The following CCN4 variants were observed in gnomAD, a reference collection of about 807,000 sequenced individuals.
CCN4 encodes CCN family member 4.
A neutral mutation model predicts 36.7 loss-of-function variants in CCN4; 30 were observed. The observed-to-expected ratio is 0.82, with a 90% CI of 0.61 to 1.11. The LOEUF is 1.11. Ranked by LOEUF, CCN4 falls within the 50% of genes least tolerant of loss-of-function variation. CCN4 has a pLI of 0.00. For missense variants in CCN4, 505 were observed against 504.9 expected (o/e 1.00, Z 0.00); for synonymous variants, 191 against 195.4 (o/e 0.98, Z 0.19).
intron 1 of CCN4, among the ~76,000 whole-genome samples, chr8:133,201,613 G>C (rs1321833571): frequency 6.6e-6 from 1 of 152,104 alleles, no homozygotes; most frequent in Non-Finnish European, 1.5e-5. Context: ...AGGCTGAAGT[G>C]GGTGGATCAC....
chr8:133,216,337 A>T (rs1443618704), intron 2 of CCN4, among the ~76,000 whole-genome samples: 1 of 152,222 alleles, frequency 6.6e-6, no homozygotes, highest in Non-Finnish European at 1.5e-5. Context: ...AAAATGAGCC[A>T]TTGCAACCCT....
In CCN4 at chr8:133,220,695, C is replaced by T. The variant is rs111239751; in HGVS notation, c.464C>T (p.Pro155Leu). 1.8e-4 allele frequency: 288 copies of T among 1,613,958 alleles called. 1 individual carries two copies. The African/African-American group carries it at 3.5e-3, about 20-fold the overall frequency. ...TCIDGAVGCTPLCLRVRPPRL... is the reference protein window; with the variant it reads ...TCIDGAVGCTLLCLRVRPPRL... ...ATCGACGGCGCGGTGGGCTGCACAC[C>T]ACTGTGCCTCCGAGTGCGCCCCCCG... The change falls in exon 3 of 5, where the codon CCA (proline) becomes CTA (leucine). Residue 155 changes from proline (P) to leucine (L), a missense_variant. Physicochemically the swap from Pro to Leu is moderately conservative, Grantham distance 98. Transcript: ENST00000250160.
At chr8:133,206,668 C>T (rs1382721170) in intron 1 of CCN4, among the ~76,000 whole-genome samples, 1 of 152,144 alleles carries the variant, frequency 6.6e-6, no homozygotes, top group East Asian at 1.9e-4. Flanking sequence ...CAGCTGAAGC[C>T]CCAGTGAGTA....
chr8:133,201,066 C>T (rs1853572480), intron 1 of CCN4, among the ~76,000 whole-genome samples: 1 of 152,178 alleles, frequency 6.6e-6, no homozygotes, highest in African/African-American at 2.4e-5. Flanking sequence ...TCCTCGTAGC[C>T]CTTACTTAGA....
chr8:133,220,194 C>CT (rs33995880), intron 2 of CCN4, among the ~76,000 whole-genome samples: 14,878 of 151,514 alleles, frequency 0.098, 1,298 homozygotes, highest in East Asian at 0.5. Context: ...AGTGTTCTGG[C>CT]TTTTTTTTTA....
At chr8:133,192,234 G>A (rs1395530512) in intron 1 of CCN4, among the ~76,000 whole-genome samples, 3 of 152,208 alleles carry the variant, frequency 2.0e-5, no homozygotes. Context: ...GTGTGTTGGG[G>A]TTAAACCACT....
intron 1 of CCN4, among the ~76,000 whole-genome samples, chr8:133,194,889 ATG>A (rs1316199482): frequency 2.5e-5 from 2 of 81,626 alleles, no homozygotes; most frequent in Non-Finnish European, 4.7e-5. Context: ...TTGTGTGTGT[ATG>A]TGTGTGGTGT....
chr8:133,194,741 G>T (rs1419471138), intron 1 of CCN4, among the ~76,000 whole-genome samples: 6 of 131,220 alleles, frequency 4.6e-5, no homozygotes, highest in Non-Finnish European at 8.1e-5. Context: ...TGTGTGTGTG[G>T]TGTGTTTGTG....
chr8:133,197,356 G>A (rs182559050), intron 1 of CCN4, among the ~76,000 whole-genome samples: 18 of 152,252 alleles, frequency 1.2e-4, no homozygotes, highest in Admixed American at 5.9e-4. Context: ...GGACTCAGAG[G>A]GGGAAGCTCG....
intron 2 of CCN4, among the ~76,000 whole-genome samples, chr8:133,216,332 G>A (rs772847450): frequency 3.9e-5 from 6 of 152,176 alleles, no homozygotes; most frequent in Non-Finnish European, 5.9e-5. Flanking sequence ...TAATAAAAAT[G>A]AGCCATTGCA....
At chr8:133,212,815 G>T (rs768508798) in intron 1 of CCN4, 49 bp from the exon 2 acceptor site, 1 of 1,434,706 alleles carries the variant, frequency 7.0e-7, no homozygotes, top group East Asian at 2.5e-5. Flanking sequence ...TTTGGGCGTT[G>T]AAACCCCTGT....
At chr8:133,212,043 C>A (rs1854062602) in intron 1 of CCN4, among the ~76,000 whole-genome samples, 3 of 152,172 alleles carry the variant, frequency 2.0e-5, no homozygotes, top group African/African-American at 7.2e-5. Flanking sequence ...CCCTTCCCAG[C>A]TGGCCTCTTG....
At chr8:133,204,548 G>A (rs940908171) in intron 1 of CCN4, among the ~76,000 whole-genome samples, 4 of 152,296 alleles carry the variant, frequency 2.6e-5, no homozygotes, top group African/African-American at 7.2e-5. Flanking sequence ...AACTTAAGGC[G>A]AATATTCAAA....
At chr8:133,224,415 T>A (rs2130620186) in intron 3 of CCN4, among the ~76,000 whole-genome samples, 1 of 151,852 alleles carries the variant, frequency 6.6e-6, no homozygotes, top group South Asian at 2.1e-4. Context: ...ATTTGTGTAT[T>A]TTTTAGTAGA....
chr8:133,220,828 C>T lies in CCN4; in HGVS notation c.597C>T (p.Asp199=). The change falls in exon 3 of 5, where the codon GAC becomes GAT. Residue 199 remains aspartate (D), a synonymous_variant. Coordinates refer to ENST00000250160, the MANE Select transcript of CCN4 (RefSeq NM_003882.4). ...GGCCACGCAAGACCGCACCCCGTGA[C>T]ACAGGAGCCTTCGGTGGGTGTGGGC... ...AKRPRKTAPR[D]TGAFDAVGEV... The T allele has an allele frequency of 6.3e-7, 1 of 1,599,686 alleles. No homozygotes were observed. Among genetic ancestry groups the T allele is most frequent in the Middle Eastern group, 2.0e-4 (1 of 4,886 alleles).
intron 1 of CCN4, among the ~76,000 whole-genome samples, chr8:133,196,177 C>T (rs1427102773): frequency 1.3e-5 from 2 of 152,328 alleles, no homozygotes; most frequent in East Asian, 3.9e-4. Flanking sequence ...ACTCTGGGCA[C>T]AGTGCCCTTT....
chr8:133,215,178 T>C (rs1421643516), intron 2 of CCN4, among the ~76,000 whole-genome samples: 1 of 152,242 alleles, frequency 6.6e-6, no homozygotes, highest in Non-Finnish European at 1.5e-5. Flanking sequence ...TGATTATAAA[T>C]GTTATTCTTG....
chr8:133,211,543 T>G lies in CCN4; in HGVS notation c.70-1321T>G, dbSNP rs551585792. On this transcript the variant is annotated intron_variant, in intron 1 of 4. Coordinates refer to ENST00000250160, the MANE Select transcript of CCN4 (RefSeq NM_003882.4). ...CTTCGGGTCTTGCCTTCCTCCCCTG[T>G]AAAGGAGGAAAGAATTTGTCTGAGT... Among the ~76,000 whole-genome samples the G allele has an allele frequency of 3.9e-5, 6 of 152,276 alleles. No homozygotes were observed. In the South Asian group the frequency reaches 1.2e-3, roughly 32 times the overall value.
rs979767207 is a variant in CCN4, at chr8:133,231,022, C to T, written c.*3312C>T. The stretch of plus-strand genomic sequence containing the variant: ...TTGTGCTACGCCTAGTTATTCTGTC[C>T]CCCAAATCAAAAGGCATGACCTTTA... On this transcript the variant is annotated 3_prime_UTR_variant, in exon 5 of 5. Transcript: ENST00000250160. 2 of 152,134 alleles carry T rather than the reference C, an allele frequency of 1.3e-5. No individual in the cohort carries two copies. Among genetic ancestry groups the T allele is most frequent in the Non-Finnish European group, 1.5e-5 (1 of 68,030 alleles). The allele number at this position is 152,134 out of a possible 1,614,324, so 9.4% of individuals were successfully genotyped here.
Sources: allele counts gnomAD v4.1 joint callset (sites outside exome capture counted in the v4.1 genomes callset), GRCh38; gene constraint gnomAD v4.1.1; transcripts MANE v1.5; gene names NCBI Gene and HGNC (gene_info 2026-07-23, HGNC 2026-07-21).